Variants in CEP290 observed in about 807,000 individuals in gnomAD.
The protein encoded by CEP290 is centrosomal protein 290, also known as centrosomal protein of 290 kDa.
CEP290 carries 317 observed loss-of-function variants against 344.9 expected under a neutral mutation model. The observed-to-expected ratio is 0.92, with a 90% CI of 0.84 to 1.01. The LOEUF is 1.01. Among genes scored for constraint, CEP290 ranks in the 50% least tolerant of loss-of-function variants. CEP290 has a pLI of 0.00. For missense variants in CEP290, 2,754 were observed against 2,761.4 expected, an observed-to-expected ratio of 1.00 and a Z score of 0.06; for synonymous variants, 932 against 895.8, an observed-to-expected ratio of 1.04 and a Z score of -0.72.
intron 37 of CEP290, among the ~76,000 whole-genome samples, chr12:88,082,766 T>C (rs1180699809): frequency 6.6e-6 from 1 of 152,200 alleles, no homozygotes. Flanking sequence ...GAAAAGAATT[T>C]GTATTGGCTT....
chr12:88,064,229 T>C (rs955755165), intron 44 of CEP290, 114 bp from the exon 45 acceptor site: 8 of 882,944 alleles, frequency 9.1e-6, no homozygotes, highest in African/African-American at 5.3e-5. Context: ...CAAAGGAATA[T>C]GAGAAAATCG....
intron 39 of CEP290, among the ~76,000 whole-genome samples, chr12:88,078,459 A>C (rs2035949944): frequency 6.6e-6 from 1 of 152,102 alleles, no homozygotes; most frequent in Non-Finnish European, 1.5e-5. Context: ...TATTCTGGAA[A>C]AGGTGAAACT....
rs1217903059 is a variant in CEP290 at position 88,129,754 on chromosome 12, C to T, written c.792G>A (p.Val264=). The change falls in exon 10 of 54, where the codon GTG becomes GTA. Residue 264 remains valine (V), a synonymous_variant. Transcript: ENST00000552810. ...TDEYNRMKAI[V]HQTDNVIDQL... ...GATCTATTACATTATCTGTCTGATG[C>T]ACAATAGCTTTCATTCTATTATATT... The T allele has an allele frequency of 5.4e-6, 8 of 1,485,168 alleles. No individual in the cohort carries two copies. The highest frequency in any genetic ancestry group is 1.4e-5 in the African/African-American group (1 of 69,442). The allele number at this position is 1,485,168 out of a possible 1,614,324, so 92.0% of individuals were successfully genotyped here.
intron 6 of CEP290, among the ~76,000 whole-genome samples, chr12:88,134,095 CATA>C (rs993979345): frequency 5.9e-5 from 9 of 152,246 alleles, no homozygotes; most frequent in African/African-American, 2.2e-4. Context: ...TTGTGAATTC[CATA>C]TCCACAGATA....
chr12:88,096,101 T>C (rs911748139), intron 27 of CEP290, among the ~76,000 whole-genome samples: 1 of 151,530 alleles, frequency 6.6e-6, no homozygotes, highest in African/African-American at 2.4e-5. Flanking sequence ...TAGGCTGGAG[T>C]GCTGTGGTAT....
intron 12 of CEP290, 147 bp from the exon 13 acceptor site, chr12:88,125,516 T>C (rs1277995504): frequency 2.9e-6 from 1 of 346,300 alleles, no homozygotes; most frequent in African/African-American, 2.1e-5. Flanking sequence ...TTTGTACACT[T>C]CAACTGTAAT....
At position 88,124,740 on chromosome 12, in the gene CEP290, T is replaced by G. The variant is rs543511924; in HGVS notation, c.1189+506A>C. 3.3e-5 allele frequency among the ~76,000 whole-genome samples: 5 copies of G among 152,224 alleles called. No individual in the cohort carries two copies. In the South Asian group the frequency reaches 1.0e-3, roughly 32 times the overall value. On this transcript the variant is annotated intron_variant, in intron 13 of 53. Transcript: ENST00000552810. ...AGTGTGCCCTGGCATAACTATAGTA[T>G]GTAGTGCTATGGAAATATAACAACA... is the stretch of plus-strand genomic sequence containing the variant.
At chr12:88,120,878 C>A in intron 14 of CEP290, 119 bp downstream of exon 14, 1 of 812,908 alleles carries the variant, frequency 1.2e-6, no homozygotes, top group East Asian at 2.8e-5. Context: ...TGAGGATAAT[C>A]TTTATCAAAA....
Position 88,050,314 on chromosome 12 carries a change from TG to T in CEP290, c.7209+39del. 3.1e-6 allele frequency: 3 copies of T among 962,278 alleles called. No individual in the cohort carries two copies. In the South Asian group the frequency reaches 4.4e-5, roughly 14 times the overall value. 59.6% of individuals were successfully genotyped at this position (962,278 alleles called of 1,614,324 possible). A position where few individuals can be genotyped will look rare whatever the true frequency, so the allele number is the denominator to read the frequency against. ...GGTAATGAAAATAGTTTTCAACAGC[TG>T]TTTTCACAAAACGATACTAAAATAT... On this transcript the variant is annotated intron_variant, in intron 53 of 53. Transcript: ENST00000552810.
chr12:88,080,887 TCTTAGA>T (rs1398997197), intron 37 of CEP290, among the ~76,000 whole-genome samples: 2 of 152,228 alleles, frequency 1.3e-5, no homozygotes, highest in Non-Finnish European at 2.9e-5. Flanking sequence ...ATTTAACTAC[TCTTAGA>T]CTTAACAACA....
chr12:88,072,301 TTTTGACTGTGA>T (rs1264778939), intron 41 of CEP290, among the ~76,000 whole-genome samples: 2 of 82,946 alleles, frequency 2.4e-5, no homozygotes, highest in East Asian at 4.9e-4. Context: ...TTTGACTGTG[TTTTGACTGTGA>T]CTCATCATAT....
chr12:88,062,966 A>C (rs2034595347), intron 45 of CEP290, among the ~76,000 whole-genome samples, 188 bp from the exon 46 acceptor site: 2 of 152,126 alleles, frequency 1.3e-5, no homozygotes, highest in Admixed American at 6.5e-5. Flanking sequence ...TGTGTATATG[A>C]AATGTCAAGG....
intron 44 of CEP290, among the ~76,000 whole-genome samples, chr12:88,065,123 T>TCAC (rs2034808201): frequency 2.0e-5 from 3 of 152,214 alleles, no homozygotes; most frequent in African/African-American, 7.2e-5. Context: ...ACCACCTACC[T>TCAC]CATAGGACTG....
In CEP290 at chr12:88,124,710, G is replaced by A. The variant is rs902992362; in HGVS notation, c.1189+536C>T. On this transcript the variant is annotated intron_variant, in intron 13 of 53. Transcript: ENST00000552810. ...TCCATGAATTTCCCATGAACAGTTC[G>A]CACTAGTGTGCCCTGGCATAACTAT... Among the ~76,000 whole-genome samples the A allele has an allele frequency of 1.6e-4, 25 of 152,068 alleles. 1 individual carries two copies. The highest frequency in any genetic ancestry group is 4.6e-4 in the Admixed American group (7 of 15,224).
In CEP290 at chr12:88,084,702, T is replaced by C. The variant is rs748206094; in HGVS notation, c.4588A>G (p.Lys1530Glu). 8 of 1,613,800 alleles carry C rather than the reference T, an allele frequency of 5.0e-6. No individual in the cohort carries two copies. The highest frequency in any genetic ancestry group is 5.9e-6 in the Non-Finnish European group (7 of 1,179,732). Residue 1530 changes from lysine (K) to glutamate (E), a missense_variant, in exon 35 of 54, where the codon AAA becomes GAA. Coordinates refer to ENST00000552810, the MANE Select transcript of CEP290 (RefSeq NM_025114.4). ...AELGRKEMEP[K>E]SHHTLKIAHQ... ...GCAATTTTCAATGTGTGGTGAGATT[T>C]TGGTTCCATCTCTTTTCTGCCTAGC... is the stretch of plus-strand genomic sequence containing the variant.
intron 32 of CEP290, among the ~76,000 whole-genome samples, chr12:88,087,230 T>C (rs1454291202): frequency 1.3e-5 from 2 of 152,210 alleles, no homozygotes; most frequent in East Asian, 3.8e-4. Flanking sequence ...AAAAGTCAAA[T>C]AACCAATATC....
At position 88,072,059 on chromosome 12, in the gene CEP290, T is replaced by C. The variant is rs1290747422; in HGVS notation, c.5710-133A>G. The C allele has an allele frequency of 7.0e-6, 6 of 859,718 alleles. No homozygotes were observed. In the Admixed American group the frequency reaches 2.2e-4, roughly 32 times the overall value. 53.3% of individuals were successfully genotyped at this position (859,718 alleles called of 1,614,324 possible). On this transcript the variant is annotated intron_variant, in intron 41 of 53. Coordinates refer to ENST00000552810, the MANE Select transcript of CEP290 (RefSeq NM_025114.4). ...AGAGAATATGTAAATATGTTCATTT[T>C]GCTATACAGGTTGAGTATCCCTTAC...
intron 49 of CEP290, chr12:88,057,924 T>A (rs1283266886): frequency 6.6e-6 from 1 of 152,194 alleles, no homozygotes; most frequent in Non-Finnish European, 1.5e-5. Flanking sequence ...AAGGGGACAT[T>A]GGAGGTGCAT....
intron 31 of CEP290, among the ~76,000 whole-genome samples, 163 bp downstream of exon 31, chr12:88,088,869 G>A (rs926635733): frequency 2.0e-5 from 3 of 151,952 alleles, no homozygotes; most frequent in African/African-American, 7.3e-5. Flanking sequence ...AGGTAGGTAT[G>A]GTGGTGTGCA....
Sources: allele counts gnomAD v4.1 joint callset (sites outside exome capture counted in the v4.1 genomes callset), GRCh38; gene constraint gnomAD v4.1.1; transcripts MANE v1.5; gene names NCBI Gene and HGNC (gene_info 2026-07-23, HGNC 2026-07-21).